PDSS2: variants seen among roughly 807,000 people sequenced by gnomAD.
The protein encoded by PDSS2 is all trans-polyprenyl-diphosphate synthase PDSS2.
Under a neutral mutation model 44.5 loss-of-function variants are expected in PDSS2, and 31 were observed. The ratio of observed to expected loss-of-function variants is 0.70; its 90% CI spans 0.52 to 0.94. PDSS2 has a LOEUF of 0.94. Among genes scored for constraint, PDSS2 ranks in the 40% least tolerant of loss-of-function variants. The probability of loss-of-function intolerance (pLI) is 0.00; values close to 1 mark genes in which losing one functional copy is unlikely to be tolerated. For synonymous variants in PDSS2, 157 were observed against 180.3 expected (o/e 0.87, Z 1.03); for missense variants, 452 against 482.2 (o/e 0.94, Z 0.59).
At chr6:107,242,325 G>A (rs1487385795) in intron 4 of PDSS2, among the ~76,000 whole-genome samples, 2 of 151,948 alleles carry the variant, frequency 1.3e-5, no homozygotes, top group African/African-American at 4.8e-5. Flanking sequence ...GTGCAGTGGC[G>A]CGATCTTGGC....
At chr6:107,268,644 C>T (rs1383048358) in intron 3 of PDSS2, among the ~76,000 whole-genome samples, 1 of 152,054 alleles carries the variant, frequency 6.6e-6, no homozygotes, top group African/African-American at 2.4e-5. Flanking sequence ...AATATTGTGT[C>T]ACTGGCATTT....
intron 3 of PDSS2, among the ~76,000 whole-genome samples, chr6:107,256,441 C>A (rs1386307085): frequency 6.6e-6 from 1 of 152,150 alleles, no homozygotes; most frequent in African/African-American, 2.4e-5. Context: ...TAACACAGTT[C>A]ACTTTCCAGC....
chr6:107,231,517 T>G (rs980685103), intron 4 of PDSS2, among the ~76,000 whole-genome samples: 12 of 152,258 alleles, frequency 7.9e-5, no homozygotes, highest in African/African-American at 2.9e-4. Flanking sequence ...CTGGTCTCTC[T>G]GCTTCTAATT....
At chr6:107,367,481 C>T (rs1262480406) in intron 1 of PDSS2, among the ~76,000 whole-genome samples, 3 of 152,186 alleles carry the variant, frequency 2.0e-5, no homozygotes, top group African/African-American at 7.2e-5. Context: ...AAAGTTTCAG[C>T]CAGTGAAATA....
intron 2 of PDSS2, among the ~76,000 whole-genome samples, chr6:107,308,093 A>G (rs1582921337): frequency 1.3e-5 from 2 of 152,348 alleles, no homozygotes; most frequent in South Asian, 4.1e-4. Flanking sequence ...GAGAAAGAAT[A>G]ATTTAACAGG....
chr6:107,339,618 T>C (rs79322330), intron 1 of PDSS2, among the ~76,000 whole-genome samples: 1 of 152,056 alleles, frequency 6.6e-6, no homozygotes, highest in African/African-American at 2.4e-5. Flanking sequence ...AAGAGTGCCA[T>C]GAGAGCTTGG....
chr6:107,427,798 G>A (rs2114734476), intron 1 of PDSS2, among the ~76,000 whole-genome samples: 1 of 152,084 alleles, frequency 6.6e-6, no homozygotes, highest in South Asian at 2.1e-4. Flanking sequence ...TATTTAGATT[G>A]GATTGTTACT....
At chr6:107,223,872 A>T (rs1562388061) in intron 4 of PDSS2, among the ~76,000 whole-genome samples, 2 of 150,728 alleles carry the variant, frequency 1.3e-5, no homozygotes, top group African/African-American at 5.0e-5. Context: ...CAGGCCATGG[A>T]CTGGTACTAA....
chr6:107,301,104 T>C (rs1776679846), intron 2 of PDSS2, among the ~76,000 whole-genome samples: 1 of 152,208 alleles, frequency 6.6e-6, no homozygotes, highest in Non-Finnish European at 1.5e-5. Flanking sequence ...TTAAGTGAAG[T>C]GATGAAATTT....
intron 4 of PDSS2, among the ~76,000 whole-genome samples, chr6:107,221,059 C>T (rs1773585425): frequency 6.6e-6 from 1 of 152,150 alleles, no homozygotes; most frequent in African/African-American, 2.4e-5. Context: ...ATACCTATAT[C>T]AGGACGGGCG....
chr6:107,253,972 T>C (rs1014400173), intron 3 of PDSS2, among the ~76,000 whole-genome samples: 3 of 151,970 alleles, frequency 2.0e-5, no homozygotes, highest in Non-Finnish European at 4.4e-5. Flanking sequence ...GAGACTAGCC[T>C]GGGCAAAACA....
At chr6:107,171,126 T>C (rs142175865) in intron 7 of PDSS2, among the ~76,000 whole-genome samples, 14 of 152,284 alleles carry the variant, frequency 9.2e-5, no homozygotes, top group African/African-American at 3.4e-4. Context: ...AGTGAAGGAA[T>C]GGACCCATGA....
At chr6:107,164,755 A>G (rs1771280024) in intron 7 of PDSS2, among the ~76,000 whole-genome samples, 1 of 152,174 alleles carries the variant, frequency 6.6e-6, no homozygotes, top group Non-Finnish European at 1.5e-5. Context: ...GTCTTCCACA[A>G]TGGTTGAACT....
At chr6:107,156,799 C>T (rs1770915385) in intron 7 of PDSS2, among the ~76,000 whole-genome samples, 1 of 152,176 alleles carries the variant, frequency 6.6e-6, no homozygotes, top group Non-Finnish European at 1.5e-5. Context: ...AGTGCCTCGC[C>T]CACCTGTGGC....
At chr6:107,367,775 C>T (rs1262983091) in intron 1 of PDSS2, among the ~76,000 whole-genome samples, 1 of 138,250 alleles carries the variant, frequency 7.2e-6, no homozygotes, top group Non-Finnish European at 1.5e-5. Flanking sequence ...TGCACTCCAG[C>T]CTGGGCAATA....
intron 1 of PDSS2, among the ~76,000 whole-genome samples, chr6:107,430,669 C>T (rs750825680): frequency 5.3e-5 from 8 of 151,818 alleles, no homozygotes; most frequent in Non-Finnish European, 8.8e-5. Context: ...ATTAGCCAAG[C>T]GTGGTAGTGG....
At chr6:107,438,971 T>C (rs1412075067) in intron 1 of PDSS2, among the ~76,000 whole-genome samples, 7 of 152,220 alleles carry the variant, frequency 4.6e-5, no homozygotes. Flanking sequence ...AGGACTATTA[T>C]GGTAAGAGGT....
chr6:107,289,298 G>A (rs549308816), intron 2 of PDSS2, among the ~76,000 whole-genome samples: 3 of 151,240 alleles, frequency 2.0e-5, no homozygotes, highest in South Asian at 2.1e-4. Context: ...GCTTGAACCC[G>A]GGAGGCAGAG....
At chr6:107,173,597 A>C (rs1046602795) in intron 7 of PDSS2, among the ~76,000 whole-genome samples, 3 of 148,682 alleles carry the variant, frequency 2.0e-5, no homozygotes, top group Admixed American at 6.7e-5. Flanking sequence ...AAAAAAAAAA[A>C]CGCTTAGAAC....
Sources: gnomAD v4.1 joint callset for allele counts (sites outside exome capture counted in the v4.1 genomes callset) on GRCh38, gnomAD v4.1.1 for gene constraint, MANE v1.5 for transcripts, NCBI Gene and HGNC (gene_info 2026-07-23, HGNC 2026-07-21) for gene names.